The following STARD13 variants were observed in gnomAD, a reference collection of about 807,000 sequenced individuals.
STARD13 encodes stAR-related lipid transfer protein 13.
Under a neutral mutation model 106.4 loss-of-function variants are expected in STARD13, and 62 were observed. That is an observed-to-expected ratio of 0.58 (90% CI 0.48 to 0.72). The LOEUF is 0.72. STARD13 is among the 30% of genes least tolerant of loss of function. STARD13 has a pLI of 0.00. For missense variants in STARD13, 1,387 were observed against 1,424.0 expected (o/e 0.97, Z 0.42); for synonymous variants, 565 against 553.0 (o/e 1.02, Z -0.31).
At chr13:33,502,907 A>G in the STARD13 span, among the ~76,000 whole-genome samples, 1 of 152,228 alleles carries the variant, frequency 6.6e-6, no homozygotes, top group Non-Finnish European at 1.5e-5. Context: ...AAAATGAGTT[A>G]GGGAGGATTC....
rs1255379195 is a variant in STARD13 at position 33,317,630 on chromosome 13, C to G, written c.124+32660G>C. Among the ~76,000 whole-genome samples the G allele has an allele frequency of 2.0e-5, 3 of 152,064 alleles. No individual in the cohort carries two copies. In the East Asian group the frequency reaches 5.8e-4, roughly 29 times the overall value. Reference sequence around the variant, plus strand: ...TGAGAAGTCTTCCTCAATATCTTATCTATAAGAACCCTACACTCACTTTCT... The same window carrying G: ...TGAGAAGTCTTCCTCAATATCTTATGTATAAGAACCCTACACTCACTTTCT... On this transcript the variant is annotated intron_variant, in intron 1 of 5. Coordinates refer to the STARD13 transcript ENST00000567873.
chr13:33,533,065 C>T, the STARD13 span, among the ~76,000 whole-genome samples: 11 of 152,138 alleles, frequency 7.2e-5, no homozygotes, highest in Admixed American at 6.5e-5. Context: ...AAAGGCCAAT[C>T]CGAGAATTGT....
At chr13:33,380,200 A>G in the STARD13 span, among the ~76,000 whole-genome samples, 3 of 152,232 alleles carry the variant, frequency 2.0e-5, no homozygotes, top group East Asian at 3.9e-4. Context: ...AGCCTTACCA[A>G]CGTGGTGAAT....
chr13:33,130,312 C>T lies in STARD13; in HGVS notation c.388-23G>A. On this transcript the variant is annotated intron_variant, in intron 4 of 13. Transcript: ENST00000336934. This position sits in a 1 kb window ranked among gnomAD's most constrained non-coding sequence, Gnocchi z 4.1. Reference sequence around the variant, plus strand: ...ACCCTGCAGAGCACCAAGGAAAATGCTCATTAGCAGACAGCGTGGCTGAAG... The same window carrying T: ...ACCCTGCAGAGCACCAAGGAAAATGTTCATTAGCAGACAGCGTGGCTGAAG... The T allele has an allele frequency of 6.3e-7, 1 of 1,591,332 alleles. No homozygotes were observed. Among genetic ancestry groups the T allele is most frequent in the Non-Finnish European group, 8.5e-7 (1 of 1,174,520 alleles).
intron 1 of STARD13, among the ~76,000 whole-genome samples, chr13:33,208,431 G>A (rs1273201707): frequency 6.6e-6 from 1 of 152,194 alleles, no homozygotes; most frequent in Non-Finnish European, 1.5e-5. Flanking sequence ...TGGTGCTGCT[G>A]AAGCACAGGG....
In STARD13 at chr13:33,129,474, G is replaced by A. The variant is rs781451810; in HGVS notation, c.1203C>T (p.His401=). Residue 401 remains histidine (H), a synonymous_variant, in exon 5 of 14, where the codon CAC becomes CAT. Transcript: ENST00000336934. ...ENLVVHIPKD[H]KPGTFPKALS... ...GTGCCTTGGGGAATGTTCCTGGTTT[G>A]TGATCCTTGGGAATATGCACCACCA... is the stretch of plus-strand genomic sequence containing the variant. 1.9e-6 allele frequency: 3 copies of A among 1,614,222 alleles called. No individual in the cohort carries two copies. The highest frequency in any genetic ancestry group is 8.5e-7 in the Non-Finnish European group (1 of 1,180,048).
chr13:33,453,059 T>C, the STARD13 span, among the ~76,000 whole-genome samples: 8 of 152,238 alleles, frequency 5.3e-5, no homozygotes, highest in Non-Finnish European at 1.2e-4. Context: ...GCAGGCCTCC[T>C]TGGGCAACAT....
intron 12 of STARD13, among the ~76,000 whole-genome samples, chr13:33,108,235 C>T (rs968462597): frequency 1.3e-5 from 2 of 152,196 alleles, no homozygotes; most frequent in African/African-American, 4.8e-5. Flanking sequence ...CTGTAAGATG[C>T]TCTGAAGACA....
At chr13:33,550,669 T>C in the STARD13 span, among the ~76,000 whole-genome samples, 1 of 152,238 alleles carries the variant, frequency 6.6e-6, no homozygotes, top group East Asian at 1.9e-4. Context: ...TCCCTTCAAT[T>C]TTCAGTTCAT....
chr13:33,117,510 C>T, intron 8 of STARD13: 1 of 563,938 alleles, frequency 1.8e-6, no homozygotes, highest in East Asian at 1.5e-4. Flanking sequence ...ATTATACAGG[C>T]TTTGCTGAGA....
intron 1 of STARD13, among the ~76,000 whole-genome samples, chr13:33,241,612 C>T (rs373873310): frequency 4.0e-4 from 60 of 151,020 alleles, no homozygotes; most frequent in Non-Finnish European, 6.9e-4. Context: ...ACCATACTGC[C>T]GCCATCTCAA....
chr13:33,277,791 GATGTT>G (rs1228797288), intron 1 of STARD13: 3 of 152,070 alleles, frequency 2.0e-5, no homozygotes, highest in African/African-American at 7.2e-5. Flanking sequence ...TTGTATTCTT[GATGTT>G]ATAATTATTA....
the STARD13 span, among the ~76,000 whole-genome samples, chr13:33,562,825 T>A: frequency 2.7e-5 from 4 of 146,836 alleles, 1 homozygote; most frequent in African/African-American, 7.6e-5. Context: ...CTTCCTAGCA[T>A]TAGTTGAGGG....
At chr13:33,559,216 A>G in the STARD13 span, among the ~76,000 whole-genome samples, 1 of 151,684 alleles carries the variant, frequency 6.6e-6, no homozygotes, top group Non-Finnish European at 1.5e-5. Flanking sequence ...TCTAAACTAC[A>G]TTAACCTGCT....
In STARD13 at chr13:33,313,994, T is replaced by C. The variant is rs542975909; in HGVS notation, c.124+36296A>G. Among the ~76,000 whole-genome samples, 3 of 152,338 alleles carry C rather than the reference T, an allele frequency of 2.0e-5. No individual in the cohort carries two copies. In the South Asian group the frequency reaches 6.2e-4, roughly 32 times the overall value. On this transcript the variant is annotated intron_variant, in intron 1 of 5. Transcript: ENST00000567873. The stretch of plus-strand genomic sequence containing the variant: ...ATATGATAGTTAGGTACTTTCATCC[T>C]TTTCCATGTATCTCCATCACACACA...
At chr13:33,447,858 GAT>G in the STARD13 span, among the ~76,000 whole-genome samples, 1 of 151,816 alleles carries the variant, frequency 6.6e-6, no homozygotes, top group Non-Finnish European at 1.5e-5. Context: ...AGAGAAATAA[GAT>G]ATATATATAA....
At chr13:33,439,004 C>T in the STARD13 span, among the ~76,000 whole-genome samples, 2 of 152,182 alleles carry the variant, frequency 1.3e-5, no homozygotes, top group Non-Finnish European at 2.9e-5. Flanking sequence ...ATGAAGAATA[C>T]ATGCAGTGGA....
the STARD13 span, among the ~76,000 whole-genome samples, chr13:33,643,353 G>T: frequency 6.6e-6 from 1 of 152,222 alleles, no homozygotes; most frequent in Non-Finnish European, 1.5e-5. Context: ...GCCTTCAAAA[G>T]GAATGGCCTT....
chr13:33,173,682 A>G (rs1046352594), intron 1 of STARD13, among the ~76,000 whole-genome samples: 6 of 152,356 alleles, frequency 3.9e-5, no homozygotes, highest in Middle Eastern at 6.8e-3. Flanking sequence ...GAACTAAAAT[A>G]CAGGTTATTT....
Sources: allele counts gnomAD v4.1 joint callset (sites outside exome capture counted in the v4.1 genomes callset), GRCh38; gene constraint gnomAD v4.1.1; non-coding constraint Gnocchi (gnomAD v3.1); transcripts MANE v1.5; gene names NCBI Gene and HGNC (gene_info 2026-07-23, HGNC 2026-07-21).